Variants in HAUS8 observed in about 807,000 individuals in gnomAD.
HAUS8 encodes HAUS augmin-like complex subunit 8.
HAUS8 carries 38 observed loss-of-function variants against 42.9 expected under a neutral mutation model. That is an observed-to-expected ratio of 0.89 (90% confidence interval 0.68 to 1.16). The LOEUF is 1.16. Ranked by LOEUF, HAUS8 falls within the 50% of genes most tolerant of loss-of-function variation. The pLI is 0.00. For missense variants in HAUS8, 494 were observed against 511.6 expected, an observed-to-expected ratio of 0.97 and a Z score of 0.33; for synonymous variants, 199 against 205.8, an observed-to-expected ratio of 0.97 and a Z score of 0.28.
chr19:17,067,705 ATC>A (rs1568640827), intron 3 of HAUS8, among the ~76,000 whole-genome samples: 1 of 152,204 alleles, frequency 6.6e-6, no homozygotes, highest in Non-Finnish European at 1.5e-5. Context: ...TGAGAAGAGT[ATC>A]TGTTTGTGCA....
chr19:17,053,191 G>A lies in HAUS8; in HGVS notation c.788-225C>T, dbSNP rs148873723. 17 of 575,968 alleles carry A rather than the reference G, an allele frequency of 3.0e-5. No homozygotes were observed. In the East Asian group the frequency reaches 4.7e-4, roughly 16 times the overall value. The allele number at this position is 575,968 out of a possible 1,614,324, so 35.7% of individuals were successfully genotyped here. On this transcript the variant is annotated intron_variant, in intron 9 of 10. Transcript: ENST00000253669. ...CATCCATCTATCCAGGAGGGCATTG[G>A]ACCAGAACTGAAATGTCACTCTGGT... is the stretch of plus-strand genomic sequence containing the variant.
chr19:17,068,989 T>C (rs1461581192), intron 3 of HAUS8, 42 bp downstream of exon 3: 8 of 1,588,398 alleles, frequency 5.0e-6, no homozygotes, highest in Non-Finnish European at 6.9e-6. Flanking sequence ...GCTCAGAACC[T>C]TGCTCAGAAC....
chr19:17,063,583 G>T (rs1599983531), intron 3 of HAUS8, among the ~76,000 whole-genome samples: 1 of 152,128 alleles, frequency 6.6e-6, no homozygotes, highest in African/African-American at 2.4e-5. Flanking sequence ...TGGATATGGG[G>T]TGCCCCAGAC....
Position 17,055,114 on chromosome 19 carries a change from GAAAAAAAAAA to G in HAUS8, c.787+737_787+746del, listed in dbSNP as rs1175327637. 1.5e-3 allele frequency: 7 copies of G among 4,718 alleles called. No individual in the cohort carries two copies. The South Asian group carries it at 0.052, about 35-fold the overall frequency. 0.3% of individuals were successfully genotyped at this position (4,718 alleles called of 1,614,324 possible). ...AACATAGCGAAACCCCGTCTCTACA[GAAAAAAAAAA>G]AAAAAAAAAAAAAAAAAAAATATAT... On this transcript the variant is annotated intron_variant, in intron 9 of 10. Coordinates refer to ENST00000253669, the MANE Select transcript of HAUS8 (RefSeq NM_033417.2).
At chr19:17,053,131 T>C (rs754772844) in intron 9 of HAUS8, 165 bp from the exon 10 acceptor site, 1 of 720,128 alleles carries the variant, frequency 1.4e-6, no homozygotes, top group Non-Finnish European at 2.3e-6. Flanking sequence ...ATTCGTCCCT[T>C]ATCCATCCCG....
intron 3 of HAUS8, among the ~76,000 whole-genome samples, chr19:17,067,853 T>C (rs1015119399): frequency 6.6e-6 from 1 of 152,146 alleles, no homozygotes; most frequent in Admixed American, 6.6e-5. Flanking sequence ...GAGGGAAGAA[T>C]CCAACCTTGA....
Position 17,062,782 on chromosome 19 carries a change from GT to G in HAUS8, c.148-4del. On this transcript the variant is annotated splice_polypyrimidine_tract_variant and splice_region_variant and intron_variant, in intron 3 of 10. Coordinates refer to ENST00000253669, the MANE Select transcript of HAUS8 (RefSeq NM_033417.2). ...TGTGACCCATCTCCTGCAGGAGCCT[GT>G]TATGGGAACACATGACACTCAGAGG... 6.2e-7 allele frequency: 1 copy of G among 1,611,358 alleles called. No individual in the cohort carries two copies.
chr19:17,050,193 AAAG>A lies in HAUS8; in HGVS notation c.930-20_930-18del, dbSNP rs1226794996. 6.8e-7 allele frequency: 1 copy of A among 1,472,896 alleles called. No homozygotes were observed. Among genetic ancestry groups the A allele is most frequent in the African/African-American group, 1.4e-5 (1 of 69,906 alleles). The allele number at this position is 1,472,896 out of a possible 1,614,324, so 91.2% of individuals were successfully genotyped here. A position where few individuals can be genotyped will look rare whatever the true frequency, so the allele number is the denominator to read the frequency against. The stretch of plus-strand genomic sequence containing the variant: ...GCAAAGCTCCTGTTGAGGATGGGAG[AAAG>A]AATAACGGCTTTCACCCTCTGAGGT... On this transcript the variant is annotated intron_variant, in intron 10 of 10. Coordinates refer to ENST00000253669, the MANE Select transcript of HAUS8 (RefSeq NM_033417.2).
At chr19:17,050,465 T>C (rs2057280654) in intron 10 of HAUS8, among the ~76,000 whole-genome samples, 1 of 152,076 alleles carries the variant, frequency 6.6e-6, no homozygotes, top group Non-Finnish European at 1.5e-5. Flanking sequence ...CCATTAAAAA[T>C]TAATCCCCTG....
At chr19:17,066,494 G>A (rs1177463852) in intron 3 of HAUS8, among the ~76,000 whole-genome samples, 6 of 152,152 alleles carry the variant, frequency 3.9e-5, no homozygotes, top group Non-Finnish European at 5.9e-5. Context: ...AAAGAGGGGG[G>A]TCATGGGAAT....
At chr19:17,060,242 A>AC in intron 4 of HAUS8, 150 bp from the exon 5 acceptor site, 2 of 548,856 alleles carry the variant, frequency 3.6e-6, no homozygotes, top group South Asian at 5.3e-5. Context: ...AAAAAAAAAA[A>AC]AAAAACCTGT....
At chr19:17,073,035 C>T (rs930900808) in intron 2 of HAUS8, among the ~76,000 whole-genome samples, 3 of 152,078 alleles carry the variant, frequency 2.0e-5, no homozygotes, top group African/African-American at 7.2e-5. Flanking sequence ...GGACATGTCC[C>T]GGACACAGCC....
intron 2 of HAUS8, among the ~76,000 whole-genome samples, chr19:17,072,104 C>G (rs540708483): frequency 2.6e-5 from 4 of 152,128 alleles, no homozygotes; most frequent in African/African-American, 9.7e-5. Context: ...CTGTTATATG[C>G]GAGATTAACA....
intron 10 of HAUS8, among the ~76,000 whole-genome samples, chr19:17,051,363 G>A (rs1319955027): frequency 4.2e-5 from 6 of 143,806 alleles, no homozygotes; most frequent in East Asian, 2.0e-4. Flanking sequence ...AGAAAAGCGC[G>A]TGGTTAGAAA....
In HAUS8 at chr19:17,055,739, C is replaced by T. The variant is rs2057321509; in HGVS notation, c.787+122G>A. On this transcript the variant is annotated intron_variant, in intron 9 of 10. Transcript: ENST00000253669. The stretch of plus-strand genomic sequence containing the variant: ...GGAACCACAGCCTGGCCAGCCCTCC[C>T]CATCCTCTGCCTTAGTTGGGGAAGA... 7.3e-6 allele frequency: 8 copies of T among 1,090,808 alleles called. No individual in the cohort carries two copies. The South Asian group carries it at 1.1e-4, about 15-fold the overall frequency. The allele number at this position is 1,090,808 out of a possible 1,614,324, so 67.6% of individuals were successfully genotyped here.
Position 17,056,010 on chromosome 19 carries a change from C to A in HAUS8, c.646-8G>T, listed in dbSNP as rs752942758. The A allele has an allele frequency of 3.1e-6, 5 of 1,613,802 alleles. No homozygotes were observed. The Admixed American group carries it at 5.0e-5, about 16-fold the overall frequency. On this transcript the variant is annotated splice_polypyrimidine_tract_variant and splice_region_variant and intron_variant, in intron 8 of 10. Transcript: ENST00000253669. ...GGGGCTGAGCATCTCGATCTGTAAG[C>A]AGAAGGGATAATCAGGGGAGACCCT...
chr19:17,050,233 G>A (rs1464372101), intron 10 of HAUS8, 57 bp from the exon 11 acceptor site: 19 of 1,367,550 alleles, frequency 1.4e-5, no homozygotes, highest in Non-Finnish European at 1.8e-5. Context: ...AAGCGCATGT[G>A]TGTGGTGAAC....
Position 17,058,613 on chromosome 19 carries a change from T to A in HAUS8, c.581A>T (p.Glu194Val), listed in dbSNP as rs770442977. The A allele has an allele frequency of 5.0e-6, 8 of 1,613,620 alleles. No individual in the cohort carries two copies. Among genetic ancestry groups the A allele is most frequent in the Non-Finnish European group, 6.8e-6 (8 of 1,179,898 alleles). ...AGAGAGGAGAAGCCTGCGCTTCAGC[T>A]CGTGGGCCTTTTTCTGTAGCTTCTC... ...EKEKLQKKAH[E>V]LKRRLLLSQR... Residue 194 changes from glutamate to valine, a missense_variant, in exon 8 of 11, where the codon GAG becomes GTG. Coordinates refer to ENST00000253669, the MANE Select transcript of HAUS8 (RefSeq NM_033417.2).
intron 8 of HAUS8, among the ~76,000 whole-genome samples, chr19:17,056,736 C>T (rs142201812): frequency 2.8e-4 from 42 of 151,880 alleles, no homozygotes; most frequent in African/African-American, 9.4e-4. Flanking sequence ...GTTACAGGCA[C>T]GCATCACCAT....
Sources: allele counts gnomAD v4.1 joint callset (sites outside exome capture counted in the v4.1 genomes callset), GRCh38; gene constraint gnomAD v4.1.1; transcripts MANE v1.5; gene names NCBI Gene and HGNC (gene_info 2026-07-23, HGNC 2026-07-21).